CDH18: variants seen among roughly 807,000 people sequenced by gnomAD.
CDH18 encodes cadherin-18.
CDH18 carries 31 observed loss-of-function variants against 67.9 expected under a neutral mutation model. The ratio of observed to expected loss-of-function variants is 0.46; its 90% CI spans 0.34 to 0.62. The LOEUF (loss-of-function observed/expected upper bound fraction) is 0.62, where lower values mean the gene tolerates loss of function less well. Among genes scored for constraint, CDH18 ranks in the 20% least tolerant of loss-of-function variants. CDH18 has a pLI of 0.01. For missense variants in CDH18, 890 were observed against 975.5 expected, an observed-to-expected ratio of 0.91 and a Z score of 1.17; for synonymous variants, 362 against 347.2, an observed-to-expected ratio of 1.04 and a Z score of -0.48.
At chr5:19,712,560 G>A (rs1213846255) in intron 5 of CDH18, among the ~76,000 whole-genome samples, 1 of 151,584 alleles carries the variant, frequency 6.6e-6, no homozygotes, top group Non-Finnish European at 1.5e-5. Flanking sequence ...GGCATGCCAG[G>A]AAGATCAATA....
intron 7 of CDH18, among the ~76,000 whole-genome samples, chr5:19,579,846 C>A (rs182236405): frequency 2.0e-5 from 3 of 151,894 alleles, no homozygotes; most frequent in Admixed American, 6.6e-5. Context: ...TTAGTACCCA[C>A]AAGTATTTCT....
At chr5:19,595,037 A>T (rs1025880039) in intron 6 of CDH18, among the ~76,000 whole-genome samples, 1 of 152,194 alleles carries the variant, frequency 6.6e-6, no homozygotes. Context: ...ATATATAAAA[A>T]AACAGGCTCC....
At chr5:19,553,464 G>C (rs1392845359) in intron 8 of CDH18, among the ~76,000 whole-genome samples, 1 of 151,548 alleles carries the variant, frequency 6.6e-6, no homozygotes, top group Non-Finnish European at 1.5e-5. Context: ...TCTTTCAGTT[G>C]TCACTTTGTA....
intron 5 of CDH18, among the ~76,000 whole-genome samples, chr5:19,614,494 A>C (rs1001312389): frequency 1.3e-5 from 2 of 152,068 alleles, no homozygotes; most frequent in African/African-American, 2.4e-5. Flanking sequence ...TAGGAATTGA[A>C]TTGATACAGA....
chr5:19,549,785 A>G (rs184067730), intron 8 of CDH18, among the ~76,000 whole-genome samples: 5,400 of 150,636 alleles, frequency 0.036, 146 homozygotes, highest in East Asian at 0.057. Context: ...AGAAAGGAAG[A>G]AAGAAAGGAA....
intron 5 of CDH18, among the ~76,000 whole-genome samples, chr5:19,716,872 C>T (rs1765405649): frequency 6.6e-6 from 1 of 151,830 alleles, no homozygotes; most frequent in Non-Finnish European, 1.5e-5. Context: ...AATAAATATT[C>T]TTACATTAAG....
chr5:19,573,401 C>G (rs1741781906), intron 7 of CDH18, among the ~76,000 whole-genome samples: 1 of 152,050 alleles, frequency 6.6e-6, no homozygotes, highest in South Asian at 2.1e-4. Flanking sequence ...GCCTCAGCCT[C>G]CCGAGTAGCT....
intron 2 of CDH18, among the ~76,000 whole-genome samples, chr5:19,881,319 G>A (rs1787613196): frequency 6.6e-6 from 1 of 151,964 alleles, no homozygotes; most frequent in South Asian, 2.1e-4. Context: ...ATACTCTGTT[G>A]AGTTACATAA....
At chr5:20,317,949 C>T (rs1737627030) in intron 1 of CDH18, among the ~76,000 whole-genome samples, 2 of 152,150 alleles carry the variant, frequency 1.3e-5, no homozygotes, top group African/African-American at 2.4e-5. Flanking sequence ...TTGTAAACTG[C>T]TGCATAGTAT....
chr5:19,551,967 G>A (rs900746838), intron 8 of CDH18, among the ~76,000 whole-genome samples: 2 of 152,124 alleles, frequency 1.3e-5, no homozygotes, highest in Non-Finnish European at 2.9e-5. Flanking sequence ...GGCCTCACAA[G>A]TGAATGAATA....
intron 1 of CDH18, among the ~76,000 whole-genome samples, chr5:20,472,972 A>G (rs1017151656): frequency 1.3e-4 from 20 of 152,312 alleles, no homozygotes; most frequent in African/African-American, 4.6e-4. Context: ...ATATATTTTA[A>G]GCATCATAAG....
At chr5:19,495,935 GGAGTTTTTGGAA>G (rs1561196709) in intron 11 of CDH18, among the ~76,000 whole-genome samples, 1 of 151,802 alleles carries the variant, frequency 6.6e-6, no homozygotes, top group African/African-American at 2.4e-5. Context: ...AGAAATGAGG[GGAGTTTTTGGAA>G]GTTTCCTGGA....
intron 7 of CDH18, 141 bp from the exon 8 acceptor site, chr5:19,571,973 A>C (rs1741502576): frequency 1.5e-6 from 1 of 680,670 alleles, no homozygotes; most frequent in East Asian, 2.7e-5. Context: ...CTTTGTTCTA[A>C]AACGAACTAT....
At chr5:20,487,514 T>C (rs1753277070) in intron 1 of CDH18, among the ~76,000 whole-genome samples, 2 of 150,928 alleles carry the variant, frequency 1.3e-5, no homozygotes, top group Admixed American at 1.3e-4. Context: ...AAAATATATG[T>C]ATATACATAT....
At chr5:20,197,174 G>T (rs1739049283) in intron 2 of CDH18, among the ~76,000 whole-genome samples, 1 of 152,034 alleles carries the variant, frequency 6.6e-6, no homozygotes, top group African/African-American at 2.4e-5. Flanking sequence ...GCCACACCTG[G>T]CTAATTATTT....
chr5:19,743,915 T>C (rs1263343292), intron 4 of CDH18, among the ~76,000 whole-genome samples: 1 of 86,962 alleles, frequency 1.1e-5, no homozygotes, highest in Non-Finnish European at 2.1e-5. Context: ...AGTGAGACTC[T>C]TGTCTCAAAA....
intron 2 of CDH18, among the ~76,000 whole-genome samples, chr5:20,242,223 G>A (rs573236451): frequency 6.6e-6 from 1 of 151,970 alleles, no homozygotes; most frequent in Non-Finnish European, 1.5e-5. Context: ...TGTTTACAAT[G>A]TGGAATGGTT....
intron 7 of CDH18, among the ~76,000 whole-genome samples, chr5:19,583,370 C>A (rs1743587886): frequency 1.3e-5 from 2 of 152,002 alleles, no homozygotes; most frequent in African/African-American, 4.8e-5. Flanking sequence ...TGTACCTGAA[C>A]ATGTTGTACT....
rs1029695831 is a variant in CDH18, at chr5:19,687,718, C to T, written c.643+33629G>A. Among the ~76,000 whole-genome samples, 7 of 152,190 alleles carry T rather than the reference C, an allele frequency of 4.6e-5. No homozygotes were observed. In the South Asian group the frequency reaches 1.0e-3, roughly 23 times the overall value. ...CTGCCGCCATCTCCAGAGCATGAAG[C>T]GTGTACTCTCCACAGCCTCAGAGCT... On this transcript the variant is annotated intron_variant, in intron 5 of 12. Coordinates refer to ENST00000382275, the MANE Select transcript of CDH18 (RefSeq NM_004934.5).
Sources: gnomAD v4.1 joint callset for allele counts (sites outside exome capture counted in the v4.1 genomes callset) on GRCh38, gnomAD v4.1.1 for gene constraint, MANE v1.5 for transcripts, NCBI Gene and HGNC (gene_info 2026-07-23, HGNC 2026-07-21) for gene names.